Variants in ZKSCAN8 observed in about 807,000 individuals in gnomAD.
ZKSCAN8 encodes the protein zinc finger with KRAB and SCAN domains 8, also known as zinc finger protein with KRAB and SCAN domains 8.
Under a neutral mutation model 57.2 loss-of-function variants are expected in ZKSCAN8, and 27 were observed. The observed-to-expected ratio is 0.47, with a 90% CI of 0.35 to 0.65. ZKSCAN8 has a LOEUF of 0.65. Ranked by LOEUF, ZKSCAN8 falls within the 30% of genes least tolerant of loss-of-function variation. ZKSCAN8 has a pLI of 0.01. For missense variants in ZKSCAN8, 597 were observed against 696.3 expected (o/e 0.86, Z 1.60); for synonymous variants, 214 against 248.7 (o/e 0.86, Z 1.31).
Position 28,153,610 on chromosome 6 carries a change from A to G in ZKSCAN8, c.1330A>G (p.Ser444Gly). ...YECNECGKAF[S>G]HSSHLIGHQR... Reference sequence around the variant, plus strand: ...ATGTAATGAGTGTGGGAAAGCTTTCAGTCATAGCTCACACCTCATTGGACA... The same window carrying G: ...ATGTAATGAGTGTGGGAAAGCTTTCGGTCATAGCTCACACCTCATTGGACA... Residue 444 changes from serine (S) to glycine (G), a missense_variant, in exon 6 of 6, where the codon AGT (serine) becomes GGT (glycine). Physicochemically the swap from Ser to Gly is moderately conservative, Grantham distance 56 (BLOSUM62 0). Coordinates refer to ENST00000330236, the MANE Select transcript of ZKSCAN8 (RefSeq NM_006298.4). 1 of 1,613,688 alleles carries G rather than the reference A, an allele frequency of 6.2e-7. No individual in the cohort carries two copies. The highest frequency in any genetic ancestry group is 8.5e-7 in the Non-Finnish European group (1 of 1,179,870).
rs1765521470 is a variant in ZKSCAN8, at chr6:28,149,521, G to A, written c.456G>A (p.Glu152=). The A allele has an allele frequency of 1.2e-6, 2 of 1,613,992 alleles. No individual in the cohort carries two copies. Among genetic ancestry groups the A allele is most frequent in the Non-Finnish European group, 1.7e-6 (2 of 1,180,014 alleles). Residue 152 remains glutamate, a synonymous_variant, in exon 3 of 6, where the codon GAG becomes GAA. Coordinates refer to ENST00000330236, the MANE Select transcript of ZKSCAN8 (RefSeq NM_006298.4). ...TACATGGACATAGGGTACTCTGGGA[G>A]GAGGTAGTACATTCAGCATCTGCAC... The part of the protein sequence containing the change: ...ARVHGHRVLW[E]EVVHSASAPE...
In ZKSCAN8 at chr6:28,153,410, G is replaced by T; in HGVS notation, c.1130G>T (p.Arg377Leu). 1 of 1,613,924 alleles carries T rather than the reference G, an allele frequency of 6.2e-7. No individual in the cohort carries two copies. The highest frequency in any genetic ancestry group is 1.1e-5 in the South Asian group (1 of 91,062). The change falls in exon 6 of 6, where the codon CGC becomes CTC. Residue 377 changes from arginine (R) to leucine (L), a missense_variant. Transcript: ENST00000330236. ...SHQDIHNKVK[R>L]YHCKECGKAF... ...CAGGATATCCACAACAAAGTAAAAC[G>T]CTATCACTGTAAGGAGTGTGGCAAA...
At chr6:28,150,732 TTTA>T (rs1383923104) in intron 3 of ZKSCAN8, among the ~76,000 whole-genome samples, 1 of 152,152 alleles carries the variant, frequency 6.6e-6, no homozygotes, top group Non-Finnish European at 1.5e-5. Flanking sequence ...TTCTCCCAAT[TTTA>T]TTATTTTTTA....
chr6:28,154,171 T>A lies in ZKSCAN8; in HGVS notation c.*154T>A, dbSNP rs1329586250. ...AAAGTTAGGATAGCTCTTTAGTAAT[T>A]TGGGCCCAGTGCCTTGGTGAAGGTT... On this transcript the variant is annotated 3_prime_UTR_variant, in exon 6 of 6. Transcript: ENST00000330236. 3.5e-6 allele frequency: 4 copies of A among 1,128,448 alleles called. No individual in the cohort carries two copies. The highest frequency in any genetic ancestry group is 1.6e-5 in the African/African-American group (1 of 63,892). The allele number at this position is 1,128,448 out of a possible 1,614,324, so 69.9% of individuals were successfully genotyped here.
intron 1 of ZKSCAN8, among the ~76,000 whole-genome samples, chr6:28,142,656 G>A (rs960480739): frequency 1.3e-5 from 2 of 151,994 alleles, no homozygotes; most frequent in African/African-American, 4.8e-5. Context: ...CCAAAACTCT[G>A]GTTAGTCATG....
rs1422490735 is a variant in ZKSCAN8 at position 28,156,932 on chromosome 6, C to G, written c.*2915C>G. The G allele has an allele frequency of 6.6e-6, 1 of 152,208 alleles. No homozygotes were observed. Among genetic ancestry groups the G allele is most frequent in the African/African-American group, 2.4e-5 (1 of 41,440 alleles). The allele number at this position is 152,208 out of a possible 1,614,324, so 9.4% of individuals were successfully genotyped here. A position where few individuals can be genotyped will look rare whatever the true frequency, so the allele number is the denominator to read the frequency against. ...AGAGCAGTTAACTTTACTCTTGGTTCTGAGTCTCCAAATAATAATAGCCGA... is the reference window on the plus strand; with the variant it reads ...AGAGCAGTTAACTTTACTCTTGGTTGTGAGTCTCCAAATAATAATAGCCGA... On this transcript the variant is annotated 3_prime_UTR_variant, in exon 6 of 6. Transcript: ENST00000330236.
chr6:28,148,190 G>T, intron 1 of ZKSCAN8, 126 bp from the exon 2 acceptor site: 1 of 481,656 alleles, frequency 2.1e-6, no homozygotes, highest in East Asian at 3.6e-5. Context: ...TTCTGGAACA[G>T]TGGGGAGGAT....
intron 1 of ZKSCAN8, among the ~76,000 whole-genome samples, chr6:28,145,271 G>T (rs567865562): frequency 7.2e-5 from 11 of 152,232 alleles, no homozygotes; most frequent in East Asian, 1.9e-4. Flanking sequence ...CTGGGATGGG[G>T]GTAAGGACAA....
In ZKSCAN8 at chr6:28,144,451, C is replaced by T. The variant is rs1014724395; in HGVS notation, c.-93+2422C>T. 5 of 152,182 alleles carry T rather than the reference C, an allele frequency of 3.3e-5. No homozygotes were observed. Among genetic ancestry groups the T allele is most frequent in the African/African-American group, 9.7e-5 (4 of 41,428 alleles). 9.4% of individuals were successfully genotyped at this position (152,182 alleles called of 1,614,324 possible). ...TATGTACAGTAATCTGATTTTTTTC[C>T]TAAGTACCTATCTCTTCTTTGTGGA... On this transcript the variant is annotated intron_variant, in intron 1 of 5. Transcript: ENST00000330236. The surrounding 1 kb of genome is among the most constrained non-coding windows in gnomAD (Gnocchi z 4.5).
intron 1 of ZKSCAN8, among the ~76,000 whole-genome samples, chr6:28,145,662 A>G (rs1468865540): frequency 2.0e-5 from 3 of 152,138 alleles, no homozygotes; most frequent in African/African-American, 7.2e-5. Context: ...TCTTGTTTTT[A>G]CTGACAAACT....
At chr6:28,147,774 A>G (rs562729625) in intron 1 of ZKSCAN8, among the ~76,000 whole-genome samples, 1 of 152,316 alleles carries the variant, frequency 6.6e-6, no homozygotes, top group African/African-American at 2.4e-5. Context: ...TAGTAGAGGA[A>G]GTTAACCTTG....
chr6:28,157,342 A>G lies in ZKSCAN8; in HGVS notation c.*3325A>G, dbSNP rs909683948. ...ACACGTGGGAATTGTGGGAGCTACAATTCAAGATGAGATTTGGATGGGACA... is the reference window on the plus strand; with the variant it reads ...ACACGTGGGAATTGTGGGAGCTACAGTTCAAGATGAGATTTGGATGGGACA... On this transcript the variant is annotated 3_prime_UTR_variant, in exon 6 of 6. Coordinates refer to ENST00000330236, the MANE Select transcript of ZKSCAN8 (RefSeq NM_006298.4). The G allele has an allele frequency of 1.3e-5, 2 of 152,198 alleles. No individual in the cohort carries two copies. The highest frequency in any genetic ancestry group is 4.8e-5 in the African/African-American group (2 of 41,448). The allele number at this position is 152,198 out of a possible 1,614,324, so 9.4% of individuals were successfully genotyped here.
rs1200341129 is a variant in ZKSCAN8, at chr6:28,148,698, G to A, written c.291G>A (p.Glu97=). ...KEQILELLVL[E]QFLTILPEEL... The stretch of plus-strand genomic sequence containing the variant: ...AGATCCTGGAGCTGCTGGTGCTGGA[G>A]CAGTTCTTGACCATCCTACCTGAGG... Residue 97 remains glutamate (E), a synonymous_variant, in exon 2 of 6, where the codon GAG becomes GAA. Transcript: ENST00000330236. The A allele has an allele frequency of 1.2e-6, 2 of 1,614,190 alleles. No homozygotes were observed. The highest frequency in any genetic ancestry group is 1.1e-5 in the South Asian group (1 of 91,086).
intron 1 of ZKSCAN8, among the ~76,000 whole-genome samples, chr6:28,145,765 CCTT>C (rs1371281832): frequency 6.6e-6 from 1 of 152,156 alleles, no homozygotes. Flanking sequence ...CTTCACATGA[CCTT>C]CTCCTTTCTC....
At position 28,144,969 on chromosome 6, in the gene ZKSCAN8, A is replaced by G. The variant is rs190411753; in HGVS notation, c.-93+2940A>G. ...CTACTCGGGAGGCCGAGGCAGGAGA[A>G]TGGCGTGAACCCGGGAGGCGGAGGT... On this transcript the variant is annotated intron_variant, in intron 1 of 5. Transcript: ENST00000330236. This position sits in a 1 kb window ranked among gnomAD's most constrained non-coding sequence, Gnocchi z 4.5. Among the ~76,000 whole-genome samples, 68 of 152,338 alleles carry G rather than the reference A, an allele frequency of 4.5e-4. No individual in the cohort carries two copies. In the East Asian group the frequency reaches 0.013, roughly 28 times the overall value.
rs757866322 is a variant in ZKSCAN8 at position 28,153,971 on chromosome 6, A to G, written c.1691A>G (p.His564Arg). The G allele has an allele frequency of 1.9e-6, 3 of 1,610,808 alleles. No individual in the cohort carries two copies. The highest frequency in any genetic ancestry group is 1.1e-5 in the South Asian group (1 of 90,492). Residue 564 changes from histidine (H) to arginine (R), a missense_variant, in exon 6 of 6, where the codon CAT (histidine) becomes CGT (arginine). By Grantham distance (29) the His-to-Arg change is conservative. Transcript: ENST00000330236. ...ATTCAGAGGTCAAGTCTCATTCGAC[A>G]TCAGAGAATCCACAGTGGTGAAAAA... ...AFIQRSSLIR[H>R]QRIHSGEKSE...
rs768087371 is a variant in ZKSCAN8 at position 28,151,878 on chromosome 6, A to G, written c.593A>G (p.Gln198Arg). ...MSTSQSPTRS[Q>R]KGSSGDQEMT... ...ACTTCCCAGAGTCCTACTCGTTCCC[A>G]GAAAGGAAGTTCTGGAGACCAGGAA... Residue 198 changes from glutamine to arginine, a missense_variant, in exon 4 of 6, where the codon CAG becomes CGG. By Grantham distance (43) the Gln-to-Arg change is conservative. Transcript: ENST00000330236. 1.2e-5 allele frequency: 20 copies of G among 1,614,142 alleles called. No individual in the cohort carries two copies. The highest frequency in any genetic ancestry group is 1.7e-5 in the Non-Finnish European group (20 of 1,180,006).
Position 28,157,567 on chromosome 6 carries a change from T to G in ZKSCAN8, c.*3550T>G, listed in dbSNP as rs1198225514. The G allele has an allele frequency of 6.6e-6, 1 of 152,186 alleles. No homozygotes were observed. Among genetic ancestry groups the G allele is most frequent in the East Asian group, 1.9e-4 (1 of 5,194 alleles). 9.4% of individuals were successfully genotyped at this position (152,186 alleles called of 1,614,324 possible). On this transcript the variant is annotated 3_prime_UTR_variant, in exon 6 of 6. Coordinates refer to ENST00000330236, the MANE Select transcript of ZKSCAN8 (RefSeq NM_006298.4). Reference sequence around the variant, plus strand: ...TGAACATGGTAATTCTAACCAGCTTTTTAAAAATATGTAGCGCTTGTCATG... The same window carrying G: ...TGAACATGGTAATTCTAACCAGCTTGTTAAAAATATGTAGCGCTTGTCATG...
intron 1 of ZKSCAN8, among the ~76,000 whole-genome samples, chr6:28,145,812 A>G (rs1765375160): frequency 6.6e-6 from 1 of 152,164 alleles, no homozygotes; most frequent in Non-Finnish European, 1.5e-5. Context: ...TCCTTTTAAA[A>G]GTGTGCCAGT....
Sources: gnomAD v4.1 joint callset for allele counts (sites outside exome capture counted in the v4.1 genomes callset) on GRCh38, gnomAD v4.1.1 for gene constraint, Gnocchi (gnomAD v3.1) non-coding constraint, MANE v1.5 for transcripts, NCBI Gene and HGNC (gene_info 2026-07-23, HGNC 2026-07-21) for gene names.